The following TRPM3 variants were observed in gnomAD, a reference collection of about 807,000 sequenced individuals.
The protein encoded by TRPM3 is long transient receptor potential channel 3.
In TRPM3, 77 loss-of-function variants were observed where a neutral mutation model predicts 181.2. The ratio of observed to expected loss-of-function variants is 0.42; its 90% CI spans 0.35 to 0.51. The LOEUF (loss-of-function observed/expected upper bound fraction) is 0.51. Ranked by LOEUF, TRPM3 falls within the 20% of genes least tolerant of loss-of-function variation. The pLI, the probability that TRPM3 is intolerant of heterozygous loss-of-function variation, is 0.01. For synonymous variants in TRPM3, 745 were observed against 796.4 expected (o/e 0.94, Z 1.09); for missense variants, 1,759 against 2,196.7 (o/e 0.80, Z 3.98).
At chr9:71,064,128 A>C (rs1039523606) in intron 1 of TRPM3, among the ~76,000 whole-genome samples, 8 of 152,146 alleles carry the variant, frequency 5.3e-5, no homozygotes. Flanking sequence ...TCTAGCTCAT[A>C]ACCTTCATCC....
rs185070855 is a variant in TRPM3 at position 71,090,649 on chromosome 9, C to T, written c.177+30529G>A. Among the ~76,000 whole-genome samples the T allele has an allele frequency of 4.1e-4, 62 of 152,122 alleles. No individual in the cohort carries two copies. In the South Asian group the frequency reaches 8.1e-3, roughly 20 times the overall value. ...GGTTATTTCTGTTAATGGAGGAGTC[C>T]GGCAGCACAGACTAAGTCACTGTCT... On this transcript the variant is annotated intron_variant, in intron 1 of 25. Coordinates refer to ENST00000677713, the MANE Select transcript of TRPM3 (RefSeq NM_001366145.2).
chr9:71,335,266 C>T (rs1465719279), intron 1 of TRPM3, among the ~76,000 whole-genome samples: 1 of 152,104 alleles, frequency 6.6e-6, no homozygotes, highest in Non-Finnish European at 1.5e-5. Flanking sequence ...TTCAGTAACC[C>T]TAGACCCTGC....
chr9:71,301,995 T>C (rs767975699), intron 1 of TRPM3, among the ~76,000 whole-genome samples: 21 of 152,156 alleles, frequency 1.4e-4, no homozygotes, highest in Non-Finnish European at 2.8e-4. Context: ...AGCGTTTGTG[T>C]TTATGCCCCT....
chr9:70,544,547 A>G (rs563706429), intron 25 of TRPM3, among the ~76,000 whole-genome samples: 5 of 152,224 alleles, frequency 3.3e-5, no homozygotes, highest in Non-Finnish European at 7.4e-5. Context: ...CACGAAAGAC[A>G]TTTTTTGGAG....
At chr9:70,770,063 T>C (rs1405547525) in intron 7 of TRPM3, among the ~76,000 whole-genome samples, 1 of 152,140 alleles carries the variant, frequency 6.6e-6, no homozygotes, top group Non-Finnish European at 1.5e-5. Context: ...CTAAGAAATA[T>C]TATTGGTCTC....
At chr9:70,633,211 A>G (rs1293696639) in intron 12 of TRPM3, among the ~76,000 whole-genome samples, 1 of 152,234 alleles carries the variant, frequency 6.6e-6, no homozygotes, top group African/African-American at 2.4e-5. Flanking sequence ...ACTCCAAGTC[A>G]TTACTTTAGA....
intron 6 of TRPM3, chr9:70,810,193 C>A (rs1364470901): frequency 4.7e-6 from 2 of 425,694 alleles, no homozygotes; most frequent in Admixed American, 2.5e-5. Context: ...CCTCCACCCC[C>A]ACCCTCCTCT....
intron 1 of TRPM3, among the ~76,000 whole-genome samples, chr9:70,874,851 TA>T (rs552760856): frequency 7.9e-5 from 12 of 151,270 alleles, no homozygotes; most frequent in African/African-American, 1.2e-4. Context: ...GATTAACTAC[TA>T]AAAAAAAATC....
chr9:70,638,762 C>T (rs2057611715), intron 11 of TRPM3, among the ~76,000 whole-genome samples: 1 of 152,170 alleles, frequency 6.6e-6, no homozygotes, highest in Non-Finnish European at 1.5e-5. Flanking sequence ...TCTGGGCTTA[C>T]AGAACAAACT....
chr9:70,992,168 G>A (rs943049724), intron 1 of TRPM3, among the ~76,000 whole-genome samples: 1 of 152,186 alleles, frequency 6.6e-6, no homozygotes, highest in African/African-American at 2.4e-5. Context: ...GTGCTACAAT[G>A]ATGCCCAGCA....
At chr9:70,683,428 C>CTTTTTTTTTTTTTTTTTTTTTTTT (rs575176948) in intron 8 of TRPM3, among the ~76,000 whole-genome samples, 2 of 57,458 alleles carry the variant, frequency 3.5e-5, no homozygotes, top group African/African-American at 6.4e-5. Flanking sequence ...TCTCTCTCTC[C>CTTTTTTTTTTTTTTTTTTTTTTTT]TTTTTTTTTT....
At chr9:71,080,207 T>TAAAA (rs1218269833) in intron 1 of TRPM3, among the ~76,000 whole-genome samples, 1 of 145,846 alleles carries the variant, frequency 6.9e-6, no homozygotes, top group Admixed American at 6.9e-5. Flanking sequence ...AATAAATAAA[T>TAAAA]AAAATAAAAA....
intron 1 of TRPM3, among the ~76,000 whole-genome samples, chr9:71,358,021 G>C (rs1163193619): frequency 1.3e-5 from 2 of 152,154 alleles, no homozygotes; most frequent in African/African-American, 4.8e-5. Flanking sequence ...GTAGAAATGA[G>C]TGAACAATAT....
intron 1 of TRPM3, among the ~76,000 whole-genome samples, chr9:71,139,817 T>C (rs1414383955): frequency 6.6e-6 from 1 of 152,180 alleles, no homozygotes; most frequent in Non-Finnish European, 1.5e-5. Flanking sequence ...TACTTGTGCT[T>C]CTGCTAGAGA....
intron 1 of TRPM3, among the ~76,000 whole-genome samples, chr9:70,898,398 A>G (rs2096320349): frequency 6.6e-6 from 1 of 151,242 alleles, no homozygotes; most frequent in Non-Finnish European, 1.5e-5. Flanking sequence ...CTGAGATTAC[A>G]GGCGTGAGCC....
rs1319803452 is a variant in TRPM3 at position 70,923,843 on chromosome 9, T to TAC, written c.178-59334_178-59333dup. 1.6e-3 allele frequency among the ~76,000 whole-genome samples: 194 copies of TAC among 121,842 alleles called. 2 individuals are homozygous for TAC. The highest frequency in any genetic ancestry group is 3.8e-3 in the African/African-American group (128 of 33,548). The allele number at this position is 121,842 out of a possible 152,430, so 79.9% of individuals were successfully genotyped here. ...CTCTCTCTCTCTATATATATATATA[T>TAC]ACACACACACACACATATATATATA... On this transcript the variant is annotated intron_variant, in intron 1 of 25. Coordinates refer to ENST00000677713, the MANE Select transcript of TRPM3 (RefSeq NM_001366145.2).
intron 1 of TRPM3, among the ~76,000 whole-genome samples, chr9:71,072,908 C>T (rs1478502998): frequency 6.6e-6 from 1 of 152,120 alleles, no homozygotes; most frequent in Non-Finnish European, 1.5e-5. Flanking sequence ...AGCAGCTGAC[C>T]AGTCATTACC....
At position 70,647,238 on chromosome 9, in the gene TRPM3, AAAAAG is replaced by A. The variant is rs376078222; in HGVS notation, c.1346-6583_1346-6579del. Among the ~76,000 whole-genome samples, 400 of 152,284 alleles carry A rather than the reference AAAAAG, an allele frequency of 2.6e-3. 2 individuals carry two copies. Among genetic ancestry groups the A allele is most frequent in the African/African-American group, 8.8e-3 (367 of 41,562 alleles). On this transcript the variant is annotated intron_variant, in intron 9 of 25. Transcript: ENST00000677713. The stretch of plus-strand genomic sequence containing the variant: ...CAAACCTGGCAGAGACACAATGAAA[AAAAAG>A]AAAACTTCAGGCCAATATCCCTAAT...
intron 9 of TRPM3, among the ~76,000 whole-genome samples, chr9:70,675,429 A>G (rs2063801435): frequency 1.3e-5 from 2 of 152,212 alleles, no homozygotes; most frequent in Admixed American, 1.3e-4. Context: ...TAATTTGAAC[A>G]AATTTACAAA....
Sources: gnomAD v4.1 joint callset for allele counts (sites outside exome capture counted in the v4.1 genomes callset) on GRCh38, gnomAD v4.1.1 for gene constraint, MANE v1.5 for transcripts, NCBI Gene and HGNC (gene_info 2026-07-23, HGNC 2026-07-21) for gene names.